INPP5A: variants seen among roughly 807,000 people sequenced by gnomAD.
INPP5A encodes the protein 43 kDa inositol polyphosphate 5-phophatase.
A neutral mutation model predicts 65.2 loss-of-function variants in INPP5A; 14 were observed. The observed-to-expected ratio is 0.21, with a 90% CI of 0.14 to 0.34. The LOEUF (loss-of-function observed/expected upper bound fraction) is 0.34, where lower values mean the gene tolerates loss of function less well. INPP5A is among the 10% of genes least tolerant of loss of function. The probability of loss-of-function intolerance (pLI) is 1.00; values close to 1 mark genes in which losing one functional copy is unlikely to be tolerated. For missense variants in INPP5A, 431 were observed against 545.6 expected, an observed-to-expected ratio of 0.79 and a Z score of 2.09; for synonymous variants, 207 against 208.3, an observed-to-expected ratio of 0.99 and a Z score of 0.05.
intron 4 of INPP5A, among the ~76,000 whole-genome samples, chr10:132,688,680 T>C (rs1192681148): frequency 1.3e-5 from 2 of 150,580 alleles, no homozygotes; most frequent in South Asian, 2.1e-4. Context: ...AGTGTGTGCG[T>C]GTGCATGAGT....
intron 1 of INPP5A, among the ~76,000 whole-genome samples, chr10:132,569,220 A>G (rs2071308484): frequency 6.6e-6 from 1 of 152,142 alleles, no homozygotes; most frequent in South Asian, 2.1e-4. Flanking sequence ...TACTTTCTAC[A>G]TGTTTTTCTT....
chr10:132,647,898 A>T (rs1298521886), intron 3 of INPP5A, among the ~76,000 whole-genome samples: 1 of 152,230 alleles, frequency 6.6e-6, no homozygotes, highest in African/African-American at 2.4e-5. Flanking sequence ...AGGAGAAAAT[A>T]TAGTTTTGGG....
At chr10:132,588,635 C>T (rs1564925876) in intron 1 of INPP5A, among the ~76,000 whole-genome samples, 3 of 152,252 alleles carry the variant, frequency 2.0e-5, no homozygotes, top group Admixed American at 6.5e-5. Context: ...CCCCAGGAGG[C>T]CTTAGCCTGT....
chr10:132,578,290 T>G (rs2071434035), intron 1 of INPP5A, among the ~76,000 whole-genome samples: 1 of 152,224 alleles, frequency 6.6e-6, no homozygotes, highest in Non-Finnish European at 1.5e-5. Context: ...TCTGCCCCTG[T>G]GGCTGTGTGG....
chr10:132,769,736 A>G (rs1315121079), intron 12 of INPP5A, among the ~76,000 whole-genome samples: 2 of 152,088 alleles, frequency 1.3e-5, no homozygotes, highest in African/African-American at 4.8e-5. Context: ...CCAGACGCCA[A>G]GGCCCTCAGG....
intron 2 of INPP5A, among the ~76,000 whole-genome samples, chr10:132,641,727 T>C (rs144662274): frequency 7.8e-4 from 119 of 152,380 alleles, no homozygotes; most frequent in African/African-American, 2.7e-3. Flanking sequence ...CTCTTTTCTA[T>C]AGTCGTTCAT....
chr10:132,745,140 G>C (rs1846346139), intron 9 of INPP5A, among the ~76,000 whole-genome samples: 1 of 152,308 alleles, frequency 6.6e-6, no homozygotes, highest in African/African-American at 2.4e-5. Flanking sequence ...TGGTGGGAGG[G>C]CGCTATGGCC....
chr10:132,649,024 C>G (rs2072536169), intron 3 of INPP5A, among the ~76,000 whole-genome samples: 1 of 152,092 alleles, frequency 6.6e-6, no homozygotes. Context: ...GTTAGATTGC[C>G]TGGTTCTGCC....
At chr10:132,641,261 G>A (rs1048732925) in intron 2 of INPP5A, among the ~76,000 whole-genome samples, 12 of 152,114 alleles carry the variant, frequency 7.9e-5, no homozygotes, top group African/African-American at 2.7e-4. Flanking sequence ...AAACAATGTC[G>A]GGATTTAAAA....
chr10:132,630,040 T>C (rs2072243645), intron 2 of INPP5A, among the ~76,000 whole-genome samples: 1 of 149,698 alleles, frequency 6.7e-6, no homozygotes, highest in Admixed American at 6.6e-5. Flanking sequence ...GAGGGAAAGG[T>C]GTTCATGGAG....
At chr10:132,604,366 T>C (rs2133335283) in intron 1 of INPP5A, among the ~76,000 whole-genome samples, 1 of 152,158 alleles carries the variant, frequency 6.6e-6, no homozygotes, top group East Asian at 1.9e-4. Flanking sequence ...CCCTGTGCTG[T>C]CAGGGTCCCC....
At chr10:132,752,611 GTGGGGTGTGGCATGGA>G (rs1846512940) in intron 11 of INPP5A, among the ~76,000 whole-genome samples, 1 of 118,792 alleles carries the variant, frequency 8.4e-6, no homozygotes, top group Non-Finnish European at 1.8e-5. Flanking sequence ...GTGGCATGGA[GTGGGGTGTGGCATGGA>G]GTGGGGTGTG....
At chr10:132,679,928 G>A (rs537851885) in intron 4 of INPP5A, among the ~76,000 whole-genome samples, 1 of 152,310 alleles carries the variant, frequency 6.6e-6, no homozygotes, top group South Asian at 2.1e-4. Flanking sequence ...GAAGAATGAA[G>A]TTGGCCCCTC....
chr10:132,651,055 G>A lies in INPP5A; in HGVS notation c.306+550G>A, dbSNP rs759962395. 6.6e-6 allele frequency among the ~76,000 whole-genome samples: 1 copy of A among 152,138 alleles called. No homozygotes were observed. The highest frequency in any genetic ancestry group is 1.5e-5 in the Non-Finnish European group (1 of 68,004). ...CCTCCTCTGCGGTCCTCTGTCAGGT[G>A]GACACATGAGAGGGTGGCCCTGGTG... On this transcript the variant is annotated intron_variant, in intron 4 of 15. Transcript: ENST00000368594. This position sits in a 1 kb window ranked among gnomAD's most constrained non-coding sequence, Gnocchi z 5.0.
intron 1 of INPP5A, among the ~76,000 whole-genome samples, chr10:132,606,193 G>T (rs1457344339): frequency 6.6e-6 from 1 of 152,110 alleles, no homozygotes; most frequent in Non-Finnish European, 1.5e-5. Context: ...GCTGGTAGGA[G>T]CTGGGGCCAA....
At chr10:132,647,066 A>C (rs997713413) in intron 3 of INPP5A, among the ~76,000 whole-genome samples, 3 of 151,808 alleles carry the variant, frequency 2.0e-5, no homozygotes, top group Non-Finnish European at 4.4e-5. Context: ...GCTAAAAAAA[A>C]CTGCCACAAC....
chr10:132,543,132 A>G (rs1286573461), intron 1 of INPP5A, among the ~76,000 whole-genome samples: 2 of 152,182 alleles, frequency 1.3e-5, no homozygotes, highest in Admixed American at 1.3e-4. Flanking sequence ...GAGGTGTACA[A>G]TTCACTGGTT....
At position 132,674,252 on chromosome 10, in the gene INPP5A, C is replaced by G. The variant is rs2072933604; in HGVS notation, c.307-16140C>G. 6.6e-6 allele frequency among the ~76,000 whole-genome samples: 1 copy of G among 152,176 alleles called. No individual in the cohort carries two copies. Among genetic ancestry groups the G allele is most frequent in the Admixed American group, 6.5e-5 (1 of 15,272 alleles). On this transcript the variant is annotated intron_variant, in intron 4 of 15. Transcript: ENST00000368594. The surrounding 1 kb of genome is among the most constrained non-coding windows in gnomAD (Gnocchi z 4.4). ...ATCATGCTTCTTCCAAGTCCCTGAC[C>G]ATCCAGCCAAACCATTGGCTACGGC...
intron 1 of INPP5A, among the ~76,000 whole-genome samples, chr10:132,567,628 C>T (rs1284870729): frequency 6.6e-6 from 1 of 152,188 alleles, no homozygotes; most frequent in African/African-American, 2.4e-5. Flanking sequence ...TTCCACCCAC[C>T]TCCCTTTTCC....
Sources: allele counts gnomAD v4.1 joint callset (sites outside exome capture counted in the v4.1 genomes callset), GRCh38; gene constraint gnomAD v4.1.1; non-coding constraint Gnocchi (gnomAD v3.1); transcripts MANE v1.5; gene names NCBI Gene and HGNC (gene_info 2026-07-23, HGNC 2026-07-21).